Variants in MAGI2 observed in about 807,000 individuals in gnomAD.
The protein encoded by MAGI2 is membrane associated guanylate kinase, WW and PDZ domain containing 2.
Under a neutral mutation model 133.3 loss-of-function variants are expected in MAGI2, and 35 were observed. That is an observed-to-expected ratio of 0.26 (90% CI 0.20 to 0.35). The LOEUF (loss-of-function observed/expected upper bound fraction) is 0.35. Ranked by LOEUF, MAGI2 falls within the 10% of genes least tolerant of loss-of-function variation. The probability of loss-of-function intolerance (pLI) is 1.00; values close to 1 mark genes in which losing one functional copy is unlikely to be tolerated. For synonymous variants in MAGI2, 729 were observed against 710.6 expected (o/e 1.03, Z -0.41); for missense variants, 1,636 against 1,863.4 (o/e 0.88, Z 2.25).
At chr7:78,464,167 A>T (rs533748231) in intron 6 of MAGI2, among the ~76,000 whole-genome samples, 1 of 152,272 alleles carries the variant, frequency 6.6e-6, no homozygotes, top group South Asian at 2.1e-4. Context: ...GAGCATTTCT[A>T]AAAAGGATAT....
At chr7:78,631,842 T>C (rs38122) in intron 2 of MAGI2, among the ~76,000 whole-genome samples, 97,930 of 152,062 alleles carry the variant, frequency 0.64, 31,793 homozygotes, top group East Asian at 0.85. Flanking sequence ...AGTAAGCTGC[T>C]TGTGCTGTTT....
At chr7:78,239,141 G>A (rs1463057065) in intron 10 of MAGI2, among the ~76,000 whole-genome samples, 1 of 152,132 alleles carries the variant, frequency 6.6e-6, no homozygotes, top group Non-Finnish European at 1.5e-5. Context: ...GTCTGACAAA[G>A]TTTCCAGGAA....
chr7:78,777,678 C>T (rs1249149829), intron 2 of MAGI2, among the ~76,000 whole-genome samples: 1 of 152,118 alleles, frequency 6.6e-6, no homozygotes, highest in African/African-American at 2.4e-5. Flanking sequence ...CTTTTACTGG[C>T]TTCAAGTTAT....
intron 20 of MAGI2, among the ~76,000 whole-genome samples, chr7:78,091,364 C>T (rs1420854280): frequency 6.6e-6 from 1 of 152,132 alleles, no homozygotes; most frequent in African/African-American, 2.4e-5. Context: ...TGTGAGGACA[C>T]AAGAACGTTT....
At chr7:79,175,347 A>G (rs563799626) in intron 1 of MAGI2, among the ~76,000 whole-genome samples, 9 of 151,998 alleles carry the variant, frequency 5.9e-5, no homozygotes, top group African/African-American at 2.2e-4. Flanking sequence ...CTTTTATAAT[A>G]CTAAAAGGCA....
intron 1 of MAGI2, among the ~76,000 whole-genome samples, chr7:79,330,724 T>C (rs1840017764): frequency 6.6e-6 from 1 of 152,050 alleles, no homozygotes; most frequent in African/African-American, 2.4e-5. Context: ...AGTGGAAATT[T>C]TATGGCCAAA....
intron 2 of MAGI2, among the ~76,000 whole-genome samples, chr7:78,729,858 A>G (rs1305381566): frequency 6.6e-6 from 1 of 152,190 alleles, no homozygotes; most frequent in Non-Finnish European, 1.5e-5. Flanking sequence ...ACAATTACTT[A>G]TCAGGGAAAA....
intron 1 of MAGI2, among the ~76,000 whole-genome samples, chr7:79,406,153 GT>G (rs761393297): frequency 6.6e-6 from 1 of 151,878 alleles, no homozygotes; most frequent in African/African-American, 2.4e-5. Context: ...GGGTTGATAG[GT>G]TTTTTTGGCA....
At chr7:79,137,715 G>A (rs752307052) in intron 1 of MAGI2, among the ~76,000 whole-genome samples, 14 of 151,732 alleles carry the variant, frequency 9.2e-5, no homozygotes, top group Admixed American at 1.3e-4. Flanking sequence ...CACTCACCTC[G>A]GCCTCCCAAA....
chr7:79,126,978 G>A (rs1362647362), intron 1 of MAGI2, among the ~76,000 whole-genome samples: 1 of 145,940 alleles, frequency 6.9e-6, no homozygotes, highest in African/African-American at 2.6e-5. Flanking sequence ...AGTCCCCAGA[G>A]TGTGATGTTC....
At chr7:78,382,342 C>T (rs1228028935) in intron 6 of MAGI2, among the ~76,000 whole-genome samples, 2 of 125,284 alleles carry the variant, frequency 1.6e-5, no homozygotes, top group Non-Finnish European at 3.6e-5. Flanking sequence ...TACTCATGCT[C>T]TCTTATTCAA....
chr7:78,784,337 G>A (rs1826636348), intron 2 of MAGI2, among the ~76,000 whole-genome samples: 1 of 151,880 alleles, frequency 6.6e-6, no homozygotes, highest in South Asian at 2.1e-4. Context: ...GGGCCTCTCT[G>A]ACCTTCTCTT....
At chr7:79,019,916 G>A (rs1028645304) in intron 1 of MAGI2, among the ~76,000 whole-genome samples, 2 of 152,128 alleles carry the variant, frequency 1.3e-5, no homozygotes, top group African/African-American at 4.8e-5. Flanking sequence ...GGAGTGGGGT[G>A]CTGCTGTAAA....
At chr7:79,447,969 T>C (rs1848979222) in intron 1 of MAGI2, among the ~76,000 whole-genome samples, 1 of 152,056 alleles carries the variant, frequency 6.6e-6, no homozygotes, top group African/African-American at 2.4e-5. Flanking sequence ...TGATACTTAC[T>C]CTTAACTACA....
chr7:78,854,496 A>G (rs190189518), intron 2 of MAGI2, among the ~76,000 whole-genome samples: 3 of 152,286 alleles, frequency 2.0e-5, no homozygotes, highest in Non-Finnish European at 4.4e-5. Flanking sequence ...CTTTGGATCT[A>G]TAGTAATGTA....
chr7:78,999,176 C>G (rs1479574736), intron 2 of MAGI2, among the ~76,000 whole-genome samples: 1 of 151,928 alleles, frequency 6.6e-6, no homozygotes, highest in East Asian at 1.9e-4. Flanking sequence ...AAGAGAAATA[C>G]AAACTAAGAG....
At position 79,324,608 on chromosome 7, in the gene MAGI2, AAAATATATATAATATATAT is replaced by A. The variant is rs1159405897; in HGVS notation, c.301+128393_301+128411del. ...TATATATATAACAATATATATATAA[AAAATATATATAATATATAT>A]ATTATATATATATAAAATATATATA... On this transcript the variant is annotated intron_variant, in intron 1 of 21. Coordinates refer to ENST00000354212, the MANE Select transcript of MAGI2 (RefSeq NM_012301.4). 8.8e-4 allele frequency among the ~76,000 whole-genome samples: 34 copies of A among 38,796 alleles called. 12 individuals carry two copies. Among genetic ancestry groups the A allele is most frequent in the African/African-American group, 2.7e-3 (33 of 12,006 alleles). 25.5% of individuals were successfully genotyped at this position (38,796 alleles called of 152,430 possible). A position where few individuals can be genotyped will look rare whatever the true frequency, so the allele number is the denominator to read the frequency against.
intron 7 of MAGI2, among the ~76,000 whole-genome samples, chr7:78,359,916 T>G (rs1408247086): frequency 6.6e-6 from 1 of 152,222 alleles, no homozygotes; most frequent in Non-Finnish European, 1.5e-5. Flanking sequence ...AAATGTAATT[T>G]TGCACTAACC....
chr7:78,474,156 A>G (rs10485896), intron 6 of MAGI2, among the ~76,000 whole-genome samples: 31,690 of 151,164 alleles, frequency 0.21, 3,989 homozygotes, highest in African/African-American at 0.36. Context: ...AGATTAAACC[A>G]ATGGGAACAC....
Sources: allele counts gnomAD v4.1 joint callset (sites outside exome capture counted in the v4.1 genomes callset), GRCh38; gene constraint gnomAD v4.1.1; transcripts MANE v1.5; gene names NCBI Gene and HGNC (gene_info 2026-07-23, HGNC 2026-07-21).